THSD7B: variants seen among roughly 807,000 people sequenced by gnomAD.
THSD7B encodes thrombospondin type-1 domain-containing protein 7B.
THSD7B carries 138 observed loss-of-function variants against 213.6 expected under a neutral mutation model. The ratio of observed to expected loss-of-function variants is 0.65; its 90% CI spans 0.56 to 0.74. The LOEUF (loss-of-function observed/expected upper bound fraction) is 0.74. Ranked by LOEUF, THSD7B falls within the 30% of genes least tolerant of loss-of-function variation. THSD7B has a pLI of 0.00. For missense variants in THSD7B, 1,931 were observed against 1,991.5 expected, an observed-to-expected ratio of 0.97 and a Z score of 0.58; for synonymous variants, 742 against 687.0, an observed-to-expected ratio of 1.08 and a Z score of -1.25.
chr2:136,965,070 T>C (rs540720553), intron 2 of THSD7B, among the ~76,000 whole-genome samples: 2 of 151,830 alleles, frequency 1.3e-5, no homozygotes, highest in Non-Finnish European at 2.9e-5. Flanking sequence ...TCATTATCCA[T>C]TAACACTTTT....
At chr2:137,610,435 A>G (rs1424708483) in intron 17 of THSD7B, among the ~76,000 whole-genome samples, 2 of 152,124 alleles carry the variant, frequency 1.3e-5, no homozygotes, top group Non-Finnish European at 2.9e-5. Flanking sequence ...AGTTAGTGGA[A>G]TGCTTTCTGC....
At chr2:137,046,843 C>G (rs909401438) in intron 2 of THSD7B, among the ~76,000 whole-genome samples, 2 of 151,688 alleles carry the variant, frequency 1.3e-5, no homozygotes, top group African/African-American at 4.8e-5. Flanking sequence ...GGTGAGAAAG[C>G]AGTGAGTGGA....
At chr2:137,204,840 T>C (rs1680950213) in intron 7 of THSD7B, among the ~76,000 whole-genome samples, 1 of 151,992 alleles carries the variant, frequency 6.6e-6, no homozygotes, top group Non-Finnish European at 1.5e-5. Context: ...TCAGATTTAT[T>C]GAAAGGAAAA....
Position 137,013,516 on chromosome 2 carries a change from G to A in THSD7B, c.140-42904G>A, listed in dbSNP as rs568067414. ...AGAGGAAGTTCCAGAGGTGGGCAGA[G>A]GGTTCCCAGCTGAGTGAAACAAATA... is the stretch of plus-strand genomic sequence containing the variant. On this transcript the variant is annotated intron_variant, in intron 2 of 27. Transcript: ENST00000409968. 8.5e-5 allele frequency among the ~76,000 whole-genome samples: 13 copies of A among 152,284 alleles called. No homozygotes were observed. In the South Asian group the frequency reaches 2.7e-3, roughly 32 times the overall value.
chr2:137,399,498 C>G (rs907269821), intron 12 of THSD7B, among the ~76,000 whole-genome samples: 1 of 152,106 alleles, frequency 6.6e-6, no homozygotes, highest in Non-Finnish European at 1.5e-5. Flanking sequence ...CAGCCTCTTT[C>G]AGCAGTTTTT....
intron 2 of THSD7B, 112 bp downstream of exon 2, chr2:136,882,429 A>G (rs1683641811): frequency 2.7e-6 from 3 of 1,123,630 alleles, no homozygotes; most frequent in East Asian, 3.5e-5. Context: ...GAGAGGAAAA[A>G]TAGACTCTTT....
intron 7 of THSD7B, among the ~76,000 whole-genome samples, chr2:137,216,908 GT>G (rs575406516): frequency 4.5e-4 from 68 of 152,268 alleles, no homozygotes; most frequent in African/African-American, 1.6e-3. Flanking sequence ...CTATGGGCAA[GT>G]TTGTTCCTGT....
chr2:137,333,633 C>A (rs897294105), intron 12 of THSD7B, among the ~76,000 whole-genome samples: 21 of 152,200 alleles, frequency 1.4e-4, no homozygotes, highest in African/African-American at 5.1e-4. Context: ...CTATGACATC[C>A]TGTGTCTTCT....
chr2:136,866,478 TA>T (rs1286698831), intron 1 of THSD7B, among the ~76,000 whole-genome samples: 1 of 152,178 alleles, frequency 6.6e-6, no homozygotes, highest in African/African-American at 2.4e-5. Context: ...CAAGGTCCTT[TA>T]AAAACTTCCT....
intron 12 of THSD7B, among the ~76,000 whole-genome samples, chr2:137,348,377 G>T (rs1684926041): frequency 6.6e-6 from 1 of 151,644 alleles, no homozygotes; most frequent in African/African-American, 2.4e-5. Flanking sequence ...GTTTTCTCTG[G>T]TTTTTGATTT....
At chr2:137,303,673 A>AATATATATATTTATATATATTT (rs1683662471) in intron 12 of THSD7B, among the ~76,000 whole-genome samples, 1 of 107,516 alleles carries the variant, frequency 9.3e-6, no homozygotes, top group Non-Finnish European at 1.8e-5. Context: ...TATATATATT[A>AATATATATATTTATATATATTT]ATATATATAT....
chr2:137,644,155 A>G (rs924295677), intron 21 of THSD7B, among the ~76,000 whole-genome samples: 29 of 152,288 alleles, frequency 1.9e-4, no homozygotes, highest in African/African-American at 7.0e-4. Context: ...GATCCACCAG[A>G]GTAGGTGATT....
At chr2:137,332,884 G>C (rs1188281223) in intron 12 of THSD7B, among the ~76,000 whole-genome samples, 1 of 152,168 alleles carries the variant, frequency 6.6e-6, no homozygotes, top group African/African-American at 2.4e-5. Flanking sequence ...ATGCTGAACT[G>C]TGAGTCAATT....
At chr2:137,598,045 C>G (rs375712352) in intron 17 of THSD7B, among the ~76,000 whole-genome samples, 8 of 152,140 alleles carry the variant, frequency 5.3e-5, no homozygotes, top group African/African-American at 1.9e-4. Flanking sequence ...CTCACTCTAT[C>G]TCATTCCTGT....
chr2:137,404,430 GAT>G (rs59001356), intron 12 of THSD7B, among the ~76,000 whole-genome samples: 1,046 of 49,200 alleles, frequency 0.021, 13 homozygotes, highest in African/African-American at 0.041. Flanking sequence ...GAAACTCTGA[GAT>G]ATATATATAT....
At chr2:136,917,918 G>A (rs1384249842) in intron 2 of THSD7B, among the ~76,000 whole-genome samples, 1 of 152,190 alleles carries the variant, frequency 6.6e-6, no homozygotes, top group Non-Finnish European at 1.5e-5. Flanking sequence ...ACTGGCTTAG[G>A]GTTAGGGGAA....
At chr2:137,148,505 C>A (rs1032582891) in intron 5 of THSD7B, among the ~76,000 whole-genome samples, 2 of 152,032 alleles carry the variant, frequency 1.3e-5, no homozygotes, top group African/African-American at 4.8e-5. Context: ...TTTGGAACTT[C>A]CTAGAGGCTT....
In THSD7B at chr2:136,884,618, G is replaced by T. The variant is rs548849199; in HGVS notation, c.139+2301G>T. 1.7e-4 allele frequency among the ~76,000 whole-genome samples: 26 copies of T among 152,206 alleles called. No individual in the cohort carries two copies. The East Asian group carries it at 4.6e-3, about 27-fold the overall frequency. ...GAAAATATTTAATTCTTCCATATGTGCATGTATGTATACACACATATTTCA... is the reference window on the plus strand; with the variant it reads ...GAAAATATTTAATTCTTCCATATGTTCATGTATGTATACACACATATTTCA... On this transcript the variant is annotated intron_variant, in intron 2 of 27. Transcript: ENST00000409968.
chr2:137,011,563 G>A (rs1004290164), intron 2 of THSD7B, among the ~76,000 whole-genome samples: 1 of 151,988 alleles, frequency 6.6e-6, no homozygotes, highest in Non-Finnish European at 1.5e-5. Flanking sequence ...AATGTCTCTT[G>A]GGGACAAAAT....
Sources: gnomAD v4.1 joint callset for allele counts (sites outside exome capture counted in the v4.1 genomes callset) on GRCh38, gnomAD v4.1.1 for gene constraint, MANE v1.5 for transcripts, NCBI Gene and HGNC (gene_info 2026-07-23, HGNC 2026-07-21) for gene names.